TTC6: variants seen among roughly 807,000 people sequenced by gnomAD.
TTC6 encodes tetratricopeptide repeat domain 6, also known as tetratricopeptide repeat protein 6.
Under a neutral mutation model 210.4 loss-of-function variants are expected in TTC6, and 172 were observed. That is an observed-to-expected ratio of 0.82 (90% CI 0.72 to 0.93). The LOEUF (loss-of-function observed/expected upper bound fraction) is 0.93, where lower values mean the gene tolerates loss of function less well. Ranked by LOEUF, TTC6 falls within the 40% of genes least tolerant of loss-of-function variation. The probability of loss-of-function intolerance (pLI) is 0.00; values close to 1 mark genes in which losing one functional copy is unlikely to be tolerated. For missense variants in TTC6, 2,414 were observed against 2,318.1 expected (o/e 1.04, Z -0.85); for synonymous variants, 804 against 819.6 (o/e 0.98, Z 0.32).
chr14:37,786,431 C>T (rs183040481), intron 14 of TTC6, among the ~76,000 whole-genome samples: 16 of 152,332 alleles, frequency 1.1e-4, no homozygotes, highest in East Asian at 7.7e-4. Flanking sequence ...AAGCCAGGTG[C>T]GGGATATAAT....
chr14:37,602,281 G>A (rs1027971708), intron 1 of TTC6, among the ~76,000 whole-genome samples: 6 of 152,270 alleles, frequency 3.9e-5, no homozygotes, highest in Admixed American at 1.3e-4. Context: ...AAGATACAGA[G>A]TGTTTTATTC....
chr14:37,667,464 T>G (rs542692043), intron 1 of TTC6, among the ~76,000 whole-genome samples: 1 of 150,414 alleles, frequency 6.6e-6, no homozygotes, highest in African/African-American at 2.4e-5. Flanking sequence ...GCTTAACTTC[T>G]TCATTCATTG....
rs1446677504 is a variant in TTC6 at position 37,725,330 on chromosome 14, A to G, written c.1818+328A>G. Among the ~76,000 whole-genome samples the G allele has an allele frequency of 3.5e-4, 32 of 90,556 alleles. 1 individual carries two copies. Among genetic ancestry groups the G allele is most frequent in the South Asian group, 1.5e-3 (4 of 2,654 alleles). 59.4% of individuals were successfully genotyped at this position (90,556 alleles called of 152,430 possible). On this transcript the variant is annotated intron_variant, in intron 7 of 30. Transcript: ENST00000553443. ...TGTGTGTGTATATATATATATATAT[A>G]TATATATATATATATATATATATAT...
At chr14:37,682,446 C>A in intron 2 of TTC6, among the ~76,000 whole-genome samples, 1 of 81,462 alleles carries the variant, frequency 1.2e-5, no homozygotes, top group East Asian at 2.7e-4. Flanking sequence ...CTTGGTCTAG[C>A]TATACCTTCT....
At chr14:37,622,922 C>G in exon 1 of TTC6, 1 of 1,533,898 alleles carries the variant, frequency 6.5e-7, no homozygotes, top group Non-Finnish European at 8.7e-7. Flanking sequence ...CTCTGCAGTC[C>G]GAGGCCCAGC....
chr14:37,640,006 T>G (rs1291942322), intron 1 of TTC6, among the ~76,000 whole-genome samples: 2 of 151,644 alleles, frequency 1.3e-5, no homozygotes, highest in Non-Finnish European at 2.9e-5. Flanking sequence ...ATATATTAGG[T>G]CTTAAGGAAA....
chr14:37,705,558 T>C (rs1183583155), intron 5 of TTC6, among the ~76,000 whole-genome samples: 1 of 152,106 alleles, frequency 6.6e-6, no homozygotes, highest in African/African-American at 2.4e-5. Flanking sequence ...TTTAAAAACT[T>C]ATGTGTAAAC....
chr14:37,777,650 C>T (rs574393491), intron 14 of TTC6, among the ~76,000 whole-genome samples: 5 of 152,098 alleles, frequency 3.3e-5, no homozygotes, highest in East Asian at 1.9e-4. Flanking sequence ...GGAGTGAATG[C>T]GGTCATTTGG....
At chr14:37,725,625 C>T (rs1026223452) in intron 7 of TTC6, among the ~76,000 whole-genome samples, 5 of 151,634 alleles carry the variant, frequency 3.3e-5, no homozygotes, top group Admixed American at 1.3e-4. Context: ...GCTGGGATTA[C>T]AGGGATGAGC....
chr14:37,837,616 A>T (rs905742849), intron 29 of TTC6: 1 of 242,828 alleles, frequency 4.1e-6, no homozygotes, highest in Non-Finnish European at 8.5e-6. Context: ...AGTCCTTACT[A>T]TTTTCTGCAT....
At chr14:37,723,362 C>G (rs1595152833) in intron 6 of TTC6, among the ~76,000 whole-genome samples, 1 of 152,214 alleles carries the variant, frequency 6.6e-6, no homozygotes, top group African/African-American at 2.4e-5. Flanking sequence ...GCTGTCAAAG[C>G]AAGGAAATAT....
chr14:37,616,652 G>A (rs4898664), intron 2 of TTC6, among the ~76,000 whole-genome samples: 17,175 of 150,636 alleles, frequency 0.11, 1,129 homozygotes, highest in East Asian at 0.26. Flanking sequence ...AGCGAAGATC[G>A]CGCCACTGCA....
At chr14:37,659,068 T>C (rs1411765566) in intron 1 of TTC6, among the ~76,000 whole-genome samples, 8 of 152,212 alleles carry the variant, frequency 5.3e-5, no homozygotes, top group Admixed American at 2.6e-4. Flanking sequence ...CTAAGGATAA[T>C]GGCCTCCAGC....
chr14:37,654,693 A>G (rs979499282), intron 1 of TTC6, among the ~76,000 whole-genome samples: 16 of 152,294 alleles, frequency 1.1e-4, no homozygotes, highest in Admixed American at 5.2e-4. Context: ...AAGAAAATAG[A>G]AGAACTGACA....
At chr14:37,749,736 T>G (rs2095946286) in exon 12 of TTC6, 1 of 1,442,194 alleles carries the variant, frequency 6.9e-7, no homozygotes, top group African/African-American at 1.4e-5. Flanking sequence ...GAACCATTGT[T>G]TCTCAATGCC....
intron 1 of TTC6, among the ~76,000 whole-genome samples, chr14:37,669,949 C>G (rs774809873): frequency 6.6e-5 from 10 of 152,046 alleles, no homozygotes; most frequent in Non-Finnish European, 1.5e-4. Context: ...TTATCATTTC[C>G]TCTCCCAGAT....
intron 5 of TTC6, 121 bp downstream of exon 7, chr14:37,701,647 A>G: frequency 1.0e-6 from 1 of 965,988 alleles, no homozygotes; most frequent in Non-Finnish European, 1.4e-6. Flanking sequence ...AGGAGGGAGC[A>G]GTTTTTGTTT....
intron 14 of TTC6, among the ~76,000 whole-genome samples, chr14:37,756,520 C>T (rs1200817499): frequency 6.6e-6 from 1 of 152,130 alleles, no homozygotes; most frequent in East Asian, 1.9e-4. Flanking sequence ...GAATACATTC[C>T]TTCAATGCCT....
chr14:37,841,835 G>A lies in TTC6; in HGVS notation c.5524+165G>A, dbSNP rs1264272427. 5 of 665,840 alleles carry A rather than the reference G, an allele frequency of 7.5e-6. No individual in the cohort carries two copies. The Admixed American group carries it at 1.1e-4, about 14-fold the overall frequency. 41.2% of individuals were successfully genotyped at this position (665,840 alleles called of 1,614,324 possible). Reference sequence around the variant, plus strand: ...ATATAATCGATATAGGTTCCTTTATGTAATGTCTTAACTTAAAGCTGTGGT... The same window carrying A: ...ATATAATCGATATAGGTTCCTTTATATAATGTCTTAACTTAAAGCTGTGGT... On this transcript the variant is annotated intron_variant, in intron 30 of 30. Coordinates refer to ENST00000553443, the Ensembl canonical transcript of TTC6.
Sources: allele counts gnomAD v4.1 joint callset (sites outside exome capture counted in the v4.1 genomes callset), GRCh38; gene constraint gnomAD v4.1.1; transcripts MANE v1.5; gene names NCBI Gene and HGNC (gene_info 2026-07-23, HGNC 2026-07-21).